NAALADL2: variants seen among roughly 807,000 people sequenced by gnomAD.
NAALADL2 encodes inactive N-acetylated-alpha-linked acidic dipeptidase-like protein 2.
In NAALADL2, 76 loss-of-function variants were observed where a neutral mutation model predicts 87.2. That is an observed-to-expected ratio of 0.87 (90% CI 0.72 to 1.05). The LOEUF (loss-of-function observed/expected upper bound fraction) is 1.05, where lower values mean the gene tolerates loss of function less well. NAALADL2 is among the 50% of genes least tolerant of loss of function. The pLI is 0.00. For synonymous variants in NAALADL2, 354 were observed against 331.0 expected (o/e 1.07, Z -0.75); for missense variants, 1,089 against 945.8 (o/e 1.15, Z -1.99).
chr3:175,647,669 C>G (rs1730199000), intron 11 of NAALADL2, among the ~76,000 whole-genome samples: 1 of 152,148 alleles, frequency 6.6e-6, no homozygotes. Flanking sequence ...GCAGGAAGCA[C>G]AACTTACTGA....
chr3:175,387,040 G>T (rs1050272852), intron 5 of NAALADL2, among the ~76,000 whole-genome samples: 1 of 152,090 alleles, frequency 6.6e-6, no homozygotes, highest in African/African-American at 2.4e-5. Context: ...AGCAATGAGT[G>T]TTATATCTGT....
intron 13 of NAALADL2, among the ~76,000 whole-genome samples, chr3:175,786,767 A>G (rs1752030092): frequency 1.3e-5 from 2 of 149,308 alleles, no homozygotes; most frequent in Admixed American, 7.4e-5. Context: ...TTGGAGGAGG[A>G]GGAGGAGGAG....
intron 2 of NAALADL2, among the ~76,000 whole-genome samples, chr3:174,609,331 A>T (rs1295194788): frequency 1.3e-5 from 2 of 152,132 alleles, no homozygotes; most frequent in Non-Finnish European, 1.5e-5. Flanking sequence ...ACGCAGGAGA[A>T]GGAAATAAAG....
chr3:175,148,879 A>C (rs1179165113), intron 2 of NAALADL2, among the ~76,000 whole-genome samples: 1 of 152,044 alleles, frequency 6.6e-6, no homozygotes, highest in Admixed American at 6.6e-5. Flanking sequence ...GTAACGTGAT[A>C]CATCTGGCTT....
intron 1 of NAALADL2, among the ~76,000 whole-genome samples, chr3:174,882,648 TATACAC>T (rs1156822983): frequency 1.3e-5 from 2 of 148,322 alleles, no homozygotes; most frequent in Non-Finnish European, 3.0e-5. Context: ...CATATGTGCA[TATACAC>T]ATATGTGCAT....
chr3:174,963,880 A>G (rs1254829816), intron 1 of NAALADL2, among the ~76,000 whole-genome samples: 1 of 152,156 alleles, frequency 6.6e-6, no homozygotes, highest in Admixed American at 6.6e-5. Flanking sequence ...ATAATTTTTC[A>G]ATTATTTACA....
intron 5 of NAALADL2, among the ~76,000 whole-genome samples, chr3:175,345,549 G>C (rs1763067131): frequency 6.6e-6 from 1 of 152,142 alleles, no homozygotes. Context: ...CAAAGAGAGA[G>C]TAAAAGTAAG....
chr3:175,803,362 G>T lies in NAALADL2; in HGVS notation c.*159G>T, dbSNP rs1016277719. On this transcript the variant is annotated 3_prime_UTR_variant, in exon 14 of 14. Coordinates refer to ENST00000454872, the MANE Select transcript of NAALADL2 (RefSeq NM_207015.3). ...TATTTTTTAAATGTAAATATAGAAAGAACATTTTGCACATTTAATATTTTT... is the reference window on the plus strand; with the variant it reads ...TATTTTTTAAATGTAAATATAGAAATAACATTTTGCACATTTAATATTTTT... 7 of 445,120 alleles carry T rather than the reference G, an allele frequency of 1.6e-5. No individual in the cohort carries two copies. In the Admixed American group the frequency reaches 1.6e-4, roughly 10 times the overall value. The allele number at this position is 445,120 out of a possible 1,614,324, so 27.6% of individuals were successfully genotyped here.
At chr3:175,187,990 G>C (rs1173642048) in intron 2 of NAALADL2, among the ~76,000 whole-genome samples, 1 of 152,094 alleles carries the variant, frequency 6.6e-6, no homozygotes, top group Non-Finnish European at 1.5e-5. Flanking sequence ...TATTTCTTCA[G>C]TGATCTGAGT....
chr3:175,539,171 T>G (rs1210174541), intron 9 of NAALADL2, among the ~76,000 whole-genome samples: 3 of 152,124 alleles, frequency 2.0e-5, no homozygotes, highest in Non-Finnish European at 4.4e-5. Context: ...TCGCAGCAGT[T>G]AGAAGGTCTT....
At chr3:175,621,191 C>T (rs1726186263) in intron 10 of NAALADL2, among the ~76,000 whole-genome samples, 1 of 152,222 alleles carries the variant, frequency 6.6e-6, no homozygotes, top group African/African-American at 2.4e-5. Flanking sequence ...ACTGGGGACC[C>T]GTTCCTGTCT....
chr3:174,893,097 G>A (rs946514717), intron 1 of NAALADL2, among the ~76,000 whole-genome samples: 1 of 152,112 alleles, frequency 6.6e-6, no homozygotes, highest in African/African-American at 2.4e-5. Context: ...CAATATGTCT[G>A]GCAGCAGACT....
chr3:174,965,183 A>C (rs1463654150), intron 1 of NAALADL2, among the ~76,000 whole-genome samples: 8 of 152,112 alleles, frequency 5.3e-5, no homozygotes. Context: ...TCACAAGGCT[A>C]TTGGCTGGAG....
At chr3:175,450,235 A>G (rs1215589709) in intron 6 of NAALADL2, among the ~76,000 whole-genome samples, 1 of 152,208 alleles carries the variant, frequency 6.6e-6, no homozygotes, top group Admixed American at 6.5e-5. Context: ...AGTGATGTAT[A>G]TCAGGATGAA....
chr3:175,319,806 C>T lies in NAALADL2; in HGVS notation c.940-4369C>T, dbSNP rs553902958. ...CTGCAATCCAGCCTGGGCGACAGAG[C>T]GAGACTGTGTTTCAAAAAATAAAAA... On this transcript the variant is annotated intron_variant, in intron 4 of 13. Coordinates refer to ENST00000454872, the MANE Select transcript of NAALADL2 (RefSeq NM_207015.3). 7.9e-5 allele frequency among the ~76,000 whole-genome samples: 12 copies of T among 152,044 alleles called. No homozygotes were observed. In the South Asian group the frequency reaches 1.0e-3, roughly 13 times the overall value.
intron 2 of NAALADL2, among the ~76,000 whole-genome samples, chr3:174,555,002 T>C (rs1056542684): frequency 3.3e-5 from 5 of 152,328 alleles, no homozygotes; most frequent in African/African-American, 1.2e-4. Context: ...AGTTTCTTTT[T>C]ACAAGGGTAT....
intron 11 of NAALADL2, among the ~76,000 whole-genome samples, chr3:175,692,702 G>A (rs998670884): frequency 6.6e-6 from 1 of 152,136 alleles, no homozygotes; most frequent in Non-Finnish European, 1.5e-5. Context: ...CAAGCTTAGG[G>A]TGCAGCTGAG....
At chr3:174,934,901 C>A (rs1364063381) in intron 1 of NAALADL2, among the ~76,000 whole-genome samples, 1 of 151,464 alleles carries the variant, frequency 6.6e-6, no homozygotes, top group Non-Finnish European at 1.5e-5. Flanking sequence ...TTGGGTGGAG[C>A]ACCGAGAGGG....
intron 2 of NAALADL2, among the ~76,000 whole-genome samples, chr3:174,597,812 C>CA (rs756992972): frequency 3.3e-5 from 5 of 152,184 alleles, no homozygotes; most frequent in Non-Finnish European, 7.3e-5. Flanking sequence ...CCTTAGGACT[C>CA]AGAGGAGTTT....
Sources: allele counts gnomAD v4.1 joint callset (sites outside exome capture counted in the v4.1 genomes callset), GRCh38; gene constraint gnomAD v4.1.1; transcripts MANE v1.5; gene names NCBI Gene and HGNC (gene_info 2026-07-23, HGNC 2026-07-21).